Variants in VEPH1 observed in about 807,000 individuals in gnomAD.
The protein encoded by VEPH1 is ventricular zone expressed PH domain containing 1, also known as ventricular zone-expressed PH domain-containing protein homolog 1.
Under a neutral mutation model 85.2 loss-of-function variants are expected in VEPH1, and 80 were observed. The ratio of observed to expected loss-of-function variants is 0.94; its 90% confidence interval spans 0.78 to 1.13. The LOEUF (loss-of-function observed/expected upper bound fraction) is 1.13, where lower values mean the gene tolerates loss of function less well. Among genes scored for constraint, VEPH1 ranks in the 50% most tolerant of loss-of-function variants. The pLI, the probability that VEPH1 is intolerant of heterozygous loss-of-function variation, is 0.00. For missense variants in VEPH1, 955 were observed against 980.5 expected (o/e 0.97, Z 0.35); for synonymous variants, 297 against 348.0 (o/e 0.85, Z 1.63).
intron 12 of VEPH1, among the ~76,000 whole-genome samples, chr3:157,271,266 G>T (rs935978731): frequency 1.3e-5 from 2 of 152,142 alleles, no homozygotes; most frequent in Non-Finnish European, 2.9e-5. Flanking sequence ...AAAGGGCCTA[G>T]AGCCTGCGAG....
intron 2 of VEPH1, among the ~76,000 whole-genome samples, chr3:157,474,827 A>G (rs1384190123): frequency 6.6e-6 from 1 of 152,110 alleles, no homozygotes; most frequent in Non-Finnish European, 1.5e-5. Flanking sequence ...GTGTTAAAAA[A>G]AAAAAGAAAT....
At chr3:157,275,310 T>A (rs985720975) in intron 12 of VEPH1, among the ~76,000 whole-genome samples, 3 of 152,208 alleles carry the variant, frequency 2.0e-5, no homozygotes, top group African/African-American at 7.2e-5. Context: ...GCAAGGTGGC[T>A]CACCCCTGTA....
intron 9 of VEPH1, among the ~76,000 whole-genome samples, chr3:157,318,534 G>A (rs1720999454): frequency 6.6e-6 from 1 of 152,086 alleles, no homozygotes; most frequent in Non-Finnish European, 1.5e-5. Context: ...TTGAGCCCAG[G>A]AGGTGGAGTC....
chr3:157,350,337 T>G (rs898114427), intron 9 of VEPH1, among the ~76,000 whole-genome samples: 1 of 152,232 alleles, frequency 6.6e-6, no homozygotes, highest in African/African-American at 2.4e-5. Flanking sequence ...GAAACTGGAC[T>G]CCTACCTCTT....
Position 157,276,745 on chromosome 3 carries a change from G to T in VEPH1, c.2128+9812C>A, listed in dbSNP as rs148725010. ...TAATAGTGAGACAAAAATTTTAAGG[G>T]CACTTTCCAAGATGGTAACCTGTTT... On this transcript the variant is annotated intron_variant, in intron 12 of 13. Transcript: ENST00000362010. 7.0e-3 allele frequency among the ~76,000 whole-genome samples: 1,059 copies of T among 152,142 alleles called. 9 individuals carry two copies. The highest frequency in any genetic ancestry group is 0.024 in the African/African-American group (1,015 of 41,478).
chr3:157,445,865 A>G lies in VEPH1; in HGVS notation c.529+14316T>C, dbSNP rs75488063. On this transcript the variant is annotated intron_variant, in intron 4 of 13. Transcript: ENST00000362010. ...ATTCTCCCTAAAACACCCATAACCT[A>G]AACTTGGAAAATGCATTTTACAAAT... is the stretch of plus-strand genomic sequence containing the variant. Among the ~76,000 whole-genome samples, 612 of 152,328 alleles carry G rather than the reference A, an allele frequency of 4.0e-3. 1 individual carries two copies. Among genetic ancestry groups the G allele is most frequent in the Non-Finnish European group, 7.0e-3 (475 of 68,022 alleles).
chr3:157,341,492 A>G (rs1340798082), intron 9 of VEPH1, among the ~76,000 whole-genome samples: 13 of 152,214 alleles, frequency 8.5e-5, no homozygotes, highest in Admixed American at 8.5e-4. Flanking sequence ...GTAAAAAGAA[A>G]CAAACAAAGC....
At chr3:157,284,207 T>TATTC (rs371914815) in intron 12 of VEPH1, among the ~76,000 whole-genome samples, 3 of 152,220 alleles carry the variant, frequency 2.0e-5, no homozygotes, top group Non-Finnish European at 2.9e-5. Flanking sequence ...TTAAAAATAT[T>TATTC]ATTCATTCAT....
intron 4 of VEPH1, among the ~76,000 whole-genome samples, chr3:157,445,946 T>G (rs1369224934): frequency 6.6e-6 from 1 of 152,154 alleles, no homozygotes; most frequent in African/African-American, 2.4e-5. Context: ...GCAATAACAT[T>G]TAATGACTTT....
At chr3:157,420,195 G>C (rs1307079962) in intron 5 of VEPH1, among the ~76,000 whole-genome samples, 1 of 151,564 alleles carries the variant, frequency 6.6e-6, no homozygotes, top group Non-Finnish European at 1.5e-5. Flanking sequence ...TGGGGGGAGG[G>C]AAAGTATCAG....
At chr3:157,395,909 C>G (rs557760866) in intron 6 of VEPH1, among the ~76,000 whole-genome samples, 6 of 152,038 alleles carry the variant, frequency 3.9e-5, no homozygotes, top group Non-Finnish European at 8.8e-5. Context: ...GTTTCCTTCT[C>G]TGTGTCACCA....
intron 2 of VEPH1, among the ~76,000 whole-genome samples, chr3:157,475,280 A>T (rs989631989): frequency 1.3e-5 from 2 of 151,644 alleles, no homozygotes; most frequent in Non-Finnish European, 2.9e-5. Context: ...AGTGTGAGCC[A>T]CCATGTCCAG....
At chr3:157,358,093 A>C (rs1288529879) in intron 9 of VEPH1, among the ~76,000 whole-genome samples, 1 of 152,180 alleles carries the variant, frequency 6.6e-6, no homozygotes, top group Non-Finnish European at 1.5e-5. Flanking sequence ...GGATTTGTAA[A>C]TCTTCATTTC....
intron 9 of VEPH1, among the ~76,000 whole-genome samples, chr3:157,354,676 C>G (rs1577421569): frequency 1.3e-5 from 2 of 151,988 alleles, no homozygotes; most frequent in East Asian, 3.9e-4. Context: ...TGGCATTATT[C>G]TTTCTATATA....
chr3:157,498,921 C>T (rs1739885584), intron 1 of VEPH1, among the ~76,000 whole-genome samples: 1 of 152,186 alleles, frequency 6.6e-6, no homozygotes, highest in Non-Finnish European at 1.5e-5. Context: ...TACACACATG[C>T]ACATATGTGC....
chr3:157,428,747 A>C (rs1317355419), intron 4 of VEPH1, among the ~76,000 whole-genome samples: 1 of 152,206 alleles, frequency 6.6e-6, no homozygotes, highest in Non-Finnish European at 1.5e-5. Flanking sequence ...CACCATGGGG[A>C]TAGAGGAACT....
chr3:157,261,311 C>T lies in VEPH1; in HGVS notation c.2325G>A (p.Val775=). 1 of 1,613,682 alleles carries T rather than the reference C, an allele frequency of 6.2e-7. No individual in the cohort carries two copies. Among genetic ancestry groups the T allele is most frequent in the Non-Finnish European group, 8.5e-7 (1 of 1,179,742 alleles). Residue 775 remains valine (V), a synonymous_variant, in exon 14 of 14, where the codon GTG becomes GTA. Coordinates refer to ENST00000362010, the MANE Select transcript of VEPH1 (RefSeq NM_001167912.2). ...GAGAGCGGTCCCTGCGTTTCTTGGC[C>T]ACAGCCTTCACACTCTGTACTTTGC... The part of the protein sequence containing the change: ...ELSKVQSVKA[V]AKKRRDRSLP...
rs762800839 is a variant in VEPH1 at position 157,428,467 on chromosome 3, A to G, written c.551T>C (p.Val184Ala). The G allele has an allele frequency of 6.8e-6, 11 of 1,613,746 alleles. No homozygotes were observed. The South Asian group carries it at 1.1e-4, about 16-fold the overall frequency. Residue 184 changes from valine to alanine, a missense_variant, in exon 5 of 14, where the codon GTG becomes GCG. Val to Ala is a moderately conservative substitution (Grantham distance 64, BLOSUM62 0). Coordinates refer to ENST00000362010, the MANE Select transcript of VEPH1 (RefSeq NM_001167912.2). ...CTGCTTTTCATACACAGCAGGTAAC[A>G]CTCTCAACAACATGGTGTTACCTGT... Reference protein sequence around the residue: ...ILQGNTMLLRVLPAVYEKQPQ... With the variant: ...ILQGNTMLLRALPAVYEKQPQ...
intron 1 of VEPH1, among the ~76,000 whole-genome samples, chr3:157,496,222 T>C (rs1458424657): frequency 1.3e-5 from 2 of 152,222 alleles, no homozygotes; most frequent in Admixed American, 1.3e-4. Flanking sequence ...TCTCCCTCTA[T>C]TCCAGTTGAA....
Sources: allele counts gnomAD v4.1 joint callset (sites outside exome capture counted in the v4.1 genomes callset), GRCh38; gene constraint gnomAD v4.1.1; transcripts MANE v1.5; gene names NCBI Gene and HGNC (gene_info 2026-07-23, HGNC 2026-07-21).